Variants in ULK4 observed in about 807,000 individuals in gnomAD.
ULK4 encodes inactive serine/threonine-protein kinase ULK4.
Under a neutral mutation model 160.6 loss-of-function variants are expected in ULK4, and 133 were observed. The observed-to-expected ratio is 0.83, with a 90% CI of 0.72 to 0.96. The LOEUF is 0.96. ULK4 is among the 40% of genes least tolerant of loss of function. ULK4 has a pLI of 0.00. For synonymous variants in ULK4, 534 were observed against 539.8 expected, an observed-to-expected ratio of 0.99 and a Z score of 0.15; for missense variants, 1,580 against 1,499.5, an observed-to-expected ratio of 1.05 and a Z score of -0.89.
At chr3:41,852,338 C>G (rs564792945) in intron 17 of ULK4, among the ~76,000 whole-genome samples, 2 of 152,288 alleles carry the variant, frequency 1.3e-5, no homozygotes, top group South Asian at 4.1e-4. Context: ...AAAAAGTATA[C>G]TGATCAATCT....
chr3:41,935,236 T>A (rs1459664055), intron 4 of ULK4, among the ~76,000 whole-genome samples: 3 of 140,208 alleles, frequency 2.1e-5, no homozygotes, highest in African/African-American at 2.9e-5. Context: ...TTTTTTTTTT[T>A]TTTTTTTTTG....
intron 4 of ULK4, 54 bp downstream of exon 4, chr3:41,935,747 G>C (rs899556082): frequency 3.3e-6 from 5 of 1,528,734 alleles, no homozygotes; most frequent in African/African-American, 1.4e-5. Context: ...CTTTGAGAAA[G>C]CACTCTAATT....
At chr3:41,369,124 A>T (rs2081310995) in intron 35 of ULK4, among the ~76,000 whole-genome samples, 1 of 152,220 alleles carries the variant, frequency 6.6e-6, no homozygotes, top group Admixed American at 6.5e-5. Context: ...TTTCAAAATG[A>T]TGAGAGTACT....
Position 41,817,091 on chromosome 3 carries a change from T to C in ULK4, c.1848+2332A>G, listed in dbSNP as rs930715409. Among the ~76,000 whole-genome samples, 12 of 151,726 alleles carry C rather than the reference T, an allele frequency of 7.9e-5. No homozygotes were observed. In the East Asian group the frequency reaches 9.7e-4, roughly 12 times the overall value. On this transcript the variant is annotated intron_variant, in intron 19 of 36. Transcript: ENST00000301831. ...CTGTGTGTGTGTGTGTGTGTGTGTG[T>C]ACTCACGCATGTGCAATGAGGCATA...
intron 36 of ULK4, among the ~76,000 whole-genome samples, chr3:41,248,342 T>A (rs2078683050): frequency 6.6e-6 from 1 of 152,144 alleles, no homozygotes; most frequent in African/African-American, 2.4e-5. Flanking sequence ...GGAGTCACTG[T>A]TCACACCTTA....
rs188212352 is a variant in ULK4 at position 41,502,707 on chromosome 3, G to C, written c.3227-39454C>G. ...AGGCAGACACAAATGTTTACATATT[G>C]TATGATTCCATTTATATAACATTTT... On this transcript the variant is annotated intron_variant, in intron 32 of 36. Transcript: ENST00000301831. Among the ~76,000 whole-genome samples, 220 of 152,264 alleles carry C rather than the reference G, an allele frequency of 1.4e-3. 1 individual carries two copies. Among genetic ancestry groups the C allele is most frequent in the Admixed American group, 4.2e-3 (64 of 15,296 alleles).
intron 30 of ULK4, among the ~76,000 whole-genome samples, chr3:41,642,483 T>C (rs1259088546): frequency 6.6e-6 from 1 of 152,174 alleles, no homozygotes; most frequent in Non-Finnish European, 1.5e-5. Flanking sequence ...AATGATGATT[T>C]CCAATTTCAT....
intron 32 of ULK4, among the ~76,000 whole-genome samples, chr3:41,531,781 TAGAA>T (rs1434379687): frequency 6.6e-6 from 1 of 152,112 alleles, no homozygotes; most frequent in African/African-American, 2.4e-5. Flanking sequence ...TTCAGTTCAG[TAGAA>T]AGAAACACTT....
chr3:41,634,589 T>C (rs1575505932), intron 30 of ULK4, among the ~76,000 whole-genome samples: 1 of 152,206 alleles, frequency 6.6e-6, no homozygotes, highest in Non-Finnish European at 1.5e-5. Context: ...AATGTCTGCA[T>C]GGTCCCTTTA....
chr3:41,320,790 A>C (rs549286783), intron 35 of ULK4, among the ~76,000 whole-genome samples: 3 of 152,010 alleles, frequency 2.0e-5, no homozygotes, highest in Non-Finnish European at 1.5e-5. Context: ...GGTGGTGCGC[A>C]CCTGTAATCC....
chr3:41,878,300 T>A (rs1269401825), intron 17 of ULK4, among the ~76,000 whole-genome samples: 1 of 152,044 alleles, frequency 6.6e-6, no homozygotes, highest in African/African-American at 2.4e-5. Context: ...TTGAAAGAGC[T>A]CCCACTGGAT....
At chr3:41,481,099 C>A (rs1485049098) in intron 32 of ULK4, among the ~76,000 whole-genome samples, 1 of 152,104 alleles carries the variant, frequency 6.6e-6, no homozygotes, top group Non-Finnish European at 1.5e-5. Context: ...AGTAAGGCTT[C>A]CAGTCAACAG....
chr3:41,561,033 GTTCC>G (rs1364072432), intron 32 of ULK4, among the ~76,000 whole-genome samples: 4 of 152,124 alleles, frequency 2.6e-5, no homozygotes, highest in Non-Finnish European at 1.5e-5. Context: ...TTTGAGATAC[GTTCC>G]TTCAATACCT....
At chr3:41,479,853 A>AT (rs1229854839) in intron 32 of ULK4, among the ~76,000 whole-genome samples, 1 of 152,122 alleles carries the variant, frequency 6.6e-6, no homozygotes, top group Non-Finnish European at 1.5e-5. Flanking sequence ...CCTATTTTTC[A>AT]TTTTTCCTTA....
At position 41,896,995 on chromosome 3, in the gene ULK4, A is replaced by T; in HGVS notation, c.1357T>A (p.Leu453Ile). ...LHLPTYSVDK[L>I]LFLKDQDWND... ...CAATCTTGATCTTTCAGAAATAATAACTTATCCACTGCGATGGAAAGAAAA... is the reference window on the plus strand; with the variant it reads ...CAATCTTGATCTTTCAGAAATAATATCTTATCCACTGCGATGGAAAGAAAA... Residue 453 changes from leucine to isoleucine, a missense_variant, in exon 15 of 37, where the codon TTA becomes ATA. Transcript: ENST00000301831. 1 of 1,611,376 alleles carries T rather than the reference A, an allele frequency of 6.2e-7. No individual in the cohort carries two copies. Among genetic ancestry groups the T allele is most frequent in the Non-Finnish European group, 8.5e-7 (1 of 1,178,896 alleles).
intron 18 of ULK4, among the ~76,000 whole-genome samples, chr3:41,827,337 CA>C (rs1454904729): frequency 6.6e-6 from 1 of 151,644 alleles, no homozygotes; most frequent in African/African-American, 2.4e-5. Context: ...GACAGAGACA[CA>C]AAAAACCCTT....
chr3:41,697,782 C>G (rs2036549539), intron 27 of ULK4, among the ~76,000 whole-genome samples: 1 of 151,820 alleles, frequency 6.6e-6, no homozygotes, highest in South Asian at 2.1e-4. Context: ...AGCCTCTGTG[C>G]CAGACCAAAA....
intron 35 of ULK4, among the ~76,000 whole-genome samples, chr3:41,264,162 T>C (rs1479380725): frequency 1.3e-5 from 2 of 152,082 alleles, no homozygotes; most frequent in East Asian, 1.9e-4. Context: ...GCAGCAACCA[T>C]GAAGGCCTGA....
rs71075484 is a variant in ULK4 at position 41,794,660 on chromosome 3, CAAAAA to C, written c.2011-4822_2011-4818del. On this transcript the variant is annotated intron_variant, in intron 20 of 36. Coordinates refer to ENST00000301831, the MANE Select transcript of ULK4 (RefSeq NM_017886.4). Reference sequence around the variant, plus strand: ...TGGGTGACAGAGCAAGACTCTGTCTCAAAAAAAAAAAAAAAAAAAAAAAAAACACA... The same window carrying C: ...TGGGTGACAGAGCAAGACTCTGTCTCAAAAAAAAAAAAAAAAAAAAACACA... 8.8e-3 allele frequency among the ~76,000 whole-genome samples: 167 copies of C among 18,972 alleles called. 2 individuals are homozygous for C. Among genetic ancestry groups the C allele is most frequent in the South Asian group, 0.053 (10 of 190 alleles). The allele number at this position is 18,972 out of a possible 152,430, so 12.4% of individuals were successfully genotyped here.
Sources: allele counts gnomAD v4.1 joint callset (sites outside exome capture counted in the v4.1 genomes callset), GRCh38; gene constraint gnomAD v4.1.1; transcripts MANE v1.5; gene names NCBI Gene and HGNC (gene_info 2026-07-23, HGNC 2026-07-21).